The following NLRP13 variants were observed in gnomAD, a reference collection of about 807,000 sequenced individuals.
NLRP13 encodes NACHT, LRR and PYD domains-containing protein 13.
In NLRP13, 82 loss-of-function variants were observed where a neutral mutation model predicts 94.4. The ratio of observed to expected loss-of-function variants is 0.87; its 90% CI spans 0.73 to 1.04. The LOEUF (loss-of-function observed/expected upper bound fraction) is 1.04. NLRP13 is among the 50% of genes least tolerant of loss of function. The pLI is 0.00. For synonymous variants in NLRP13, 553 were observed against 464.7 expected, an observed-to-expected ratio of 1.19 and a Z score of -2.45; for missense variants, 1,426 against 1,230.8, an observed-to-expected ratio of 1.16 and a Z score of -2.37.
chr19:55,927,660 C>T lies in NLRP13; in HGVS notation c.320-2625G>A, dbSNP rs116019187. 5.5e-3 allele frequency among the ~76,000 whole-genome samples: 830 copies of T among 152,192 alleles called. 9 individuals are homozygous for T. The highest frequency in any genetic ancestry group is 0.019 in the African/African-American group (793 of 41,526). On this transcript the variant is annotated intron_variant, in intron 1 of 10. Transcript: ENST00000342929. ...ATCCATAAACCACCAGGGCAAGTGA[C>T]GCTTTCAGATAAAAAAAACTACCCC...
At position 55,924,907 on chromosome 19, in the gene NLRP13, C is replaced by A. The variant is rs1038075374; in HGVS notation, c.388+60G>T. 7.3e-6 allele frequency: 10 copies of A among 1,367,092 alleles called. No homozygotes were observed. The South Asian group carries it at 1.2e-4, about 16-fold the overall frequency. The allele number at this position is 1,367,092 out of a possible 1,614,324, so 84.7% of individuals were successfully genotyped here. On this transcript the variant is annotated intron_variant, in intron 2 of 10. Transcript: ENST00000342929. ...TTCAGAGTAGGCAGCGGATGTGGAC[C>A]AGTGAATGAGTGCTCCATCAAGCAA...
chr19:55,898,987 C>G, intron 9 of NLRP13, 50 bp from the exon 10 acceptor site: 1 of 1,569,668 alleles, frequency 6.4e-7, no homozygotes, highest in Non-Finnish European at 8.6e-7. Context: ...CGTCCCGAAG[C>G]TGTGCTGTGT....
intron 4 of NLRP13, among the ~76,000 whole-genome samples, chr19:55,921,507 G>A: frequency 6.6e-6 from 1 of 152,078 alleles, no homozygotes; most frequent in East Asian, 1.9e-4. Flanking sequence ...TCAAAGTATT[G>A]CTTAATGTTT....
Position 55,912,329 on chromosome 19 carries a change from G to T in NLRP13, c.1488C>A (p.Phe496Leu). The T allele has an allele frequency of 6.2e-7, 1 of 1,614,088 alleles. No homozygotes were observed. Among genetic ancestry groups the T allele is most frequent in the African/African-American group, 1.3e-5 (1 of 75,038 alleles). ...LAIEGLWSMN[F>L]TFNKEDTEIE... ...TCTCAGTGTCTTCTTTGTTAAACGT[G>T]AAGTTCATAGACCACAGCCCTTCTA... is the stretch of plus-strand genomic sequence containing the variant. The change falls in exon 5 of 11, where the codon TTC (phenylalanine) becomes TTA (leucine). Residue 496 changes from phenylalanine to leucine, a missense_variant. Transcript: ENST00000342929.
chr19:55,899,181 G>A (rs189306825), intron 9 of NLRP13, among the ~76,000 whole-genome samples: 13 of 152,028 alleles, frequency 8.6e-5, no homozygotes, highest in Admixed American at 2.6e-4. Flanking sequence ...CCCCGCAGGT[G>A]CATGAACGTG....
Position 55,912,731 on chromosome 19 carries a change from C to A in NLRP13, c.1086G>T (p.Thr362=), listed in dbSNP as rs773534045. The change falls in exon 5 of 11, where the codon ACG becomes ACT. Residue 362 remains threonine, a synonymous_variant. Transcript: ENST00000342929. ...ELVPLATLLI[T]IKTWFVRDLK... Reference sequence around the variant, plus strand: ...GATCTCTCACAAACCAGGTCTTGATCGTGATCAGTAAGGTAGCCAGGGGAA... The same window carrying A: ...GATCTCTCACAAACCAGGTCTTGATAGTGATCAGTAAGGTAGCCAGGGGAA... 5 of 1,614,042 alleles carry A rather than the reference C, an allele frequency of 3.1e-6. No homozygotes were observed. The African/African-American group carries it at 6.7e-5, about 22-fold the overall frequency.
At chr19:55,896,331 T>C (rs1453702156) in intron 10 of NLRP13, among the ~76,000 whole-genome samples, 1 of 151,808 alleles carries the variant, frequency 6.6e-6, no homozygotes, top group Non-Finnish European at 1.5e-5. Flanking sequence ...GAGACCATCC[T>C]GGGCAACATG....
intron 5 of NLRP13, among the ~76,000 whole-genome samples, chr19:55,911,264 C>T (rs1836787): frequency 0.52 from 78,613 of 151,998 alleles, 21,204 homozygotes; most frequent in African/African-American, 0.68. Context: ...CAGGGTCTTA[C>T]TCTGTTGCCC....
intron 1 of NLRP13, among the ~76,000 whole-genome samples, chr19:55,931,664 G>A (rs968026534): frequency 9.8e-5 from 10 of 102,216 alleles, no homozygotes; most frequent in Non-Finnish European, 1.2e-4. Context: ...ACCTCAGATC[G>A]CACCACTGCA....
downstream of NLRP13, among the ~76,000 whole-genome samples, chr19:55,892,414 C>T (rs1476374543): frequency 6.6e-6 from 1 of 151,752 alleles, no homozygotes; most frequent in Non-Finnish European, 1.5e-5. Context: ...CATATACATA[C>T]ACACATACAC....
rs1986518747 is a variant in NLRP13, at chr19:55,911,763, T to C, written c.2054A>G (p.Asn685Ser). 6.2e-7 allele frequency: 1 copy of C among 1,613,704 alleles called. No individual in the cohort carries two copies. The highest frequency in any genetic ancestry group is 8.5e-7 in the Non-Finnish European group (1 of 1,179,872). ...SFCLKHCKRL[N>S]KLRLSVSSHI... ...ACTGCTAACAGAAAGCCTTAGCTTA[T>C]TTAACCTTTTACAGTGCTTTAGGCA... The change falls in exon 5 of 11, where the codon AAT (asparagine) becomes AGT (serine). Residue 685 changes from asparagine to serine, a missense_variant. Coordinates refer to ENST00000342929, the MANE Select transcript of NLRP13 (RefSeq NM_176810.2).
Position 55,923,985 on chromosome 19 carries a change from A to G in NLRP13, c.458-6T>C, listed in dbSNP as rs1282241410. The G allele has an allele frequency of 6.2e-7, 1 of 1,611,640 alleles. No homozygotes were observed. Among genetic ancestry groups the G allele is most frequent in the Non-Finnish European group, 8.5e-7 (1 of 1,177,902 alleles). Reference sequence around the variant, plus strand: ...TCCCTGGGCCTGTACATTCCCTGAAATAAACAGTGATGATGAGATATGAAA... The same window carrying G: ...TCCCTGGGCCTGTACATTCCCTGAAGTAAACAGTGATGATGAGATATGAAA... On this transcript the variant is annotated splice_polypyrimidine_tract_variant and splice_region_variant and intron_variant, in intron 3 of 10. Coordinates refer to ENST00000342929, the MANE Select transcript of NLRP13 (RefSeq NM_176810.2).
downstream of NLRP13, among the ~76,000 whole-genome samples, chr19:55,893,028 G>A (rs1355597210): frequency 1.3e-5 from 2 of 152,182 alleles, no homozygotes; most frequent in Non-Finnish European, 2.9e-5. Context: ...AGGGTGCAGT[G>A]TAAAGTGGCA....
At chr19:55,904,033 ACTATCACCCTCACT>A (rs1986266148) in intron 8 of NLRP13, among the ~76,000 whole-genome samples, 3 of 152,152 alleles carry the variant, frequency 2.0e-5, no homozygotes, top group Non-Finnish European at 4.4e-5. Context: ...ATCTCCTACC[ACTATCACCCTCACT>A]CTACTCCAAC....
At chr19:55,895,371 A>T (rs968572703), downstream of NLRP13, among the ~76,000 whole-genome samples, 2 of 151,524 alleles carry the variant, frequency 1.3e-5, no homozygotes, top group Non-Finnish European at 2.9e-5. Context: ...ACAGAGCAAG[A>T]CTCCATCTCA....
chr19:55,925,005 G>GA lies in NLRP13; in HGVS notation c.349_350insT (p.Pro117LeufsTer71), dbSNP rs1205276112. 7 of 1,613,930 alleles carry GA rather than the reference G, an allele frequency of 4.3e-6. No homozygotes were observed. The highest frequency in any genetic ancestry group is 5.9e-6 in the Non-Finnish European group (7 of 1,179,996). On this transcript the variant is annotated frameshift_variant, in exon 2 of 11. Transcript: ENST00000342929. LOFTEE classifies it high-confidence loss of function. ...TAGCATCTCTAGATCTTCCTGGGTT[G>GA]GATCTTGCAGCTCTTGGGTCTGCAC...
At chr19:55,902,987 G>C (rs1986232077) in intron 8 of NLRP13, among the ~76,000 whole-genome samples, 1 of 149,972 alleles carries the variant, frequency 6.7e-6, no homozygotes, top group Non-Finnish European at 1.5e-5. Flanking sequence ...TGTAATATTA[G>C]TCATAATTAT....
At chr19:55,898,360 C>A (rs1336107832) in intron 10 of NLRP13, among the ~76,000 whole-genome samples, 1 of 152,056 alleles carries the variant, frequency 6.6e-6, no homozygotes, top group Non-Finnish European at 1.5e-5. Context: ...CAGATGCCCA[C>A]CTATACACCC....
chr19:55,892,399 A>ACT (rs397786728), downstream of NLRP13, among the ~76,000 whole-genome samples: 3 of 151,176 alleles, frequency 2.0e-5, no homozygotes, highest in Admixed American at 6.6e-5. Flanking sequence ...ACACACACAC[A>ACT]TATTCATATA....
Sources: gnomAD v4.1 joint callset for allele counts (sites outside exome capture counted in the v4.1 genomes callset) on GRCh38, gnomAD v4.1.1 for gene constraint, MANE v1.5 for transcripts, NCBI Gene and HGNC (gene_info 2026-07-23, HGNC 2026-07-21) for gene names.